HMMR: variants seen among roughly 807,000 people sequenced by gnomAD.
HMMR encodes the protein intracellular hyaluronic acid-binding protein.
Under a neutral mutation model 101.0 loss-of-function variants are expected in HMMR, and 108 were observed. The observed-to-expected ratio is 1.07, with a 90% confidence interval of 0.92 to 1.25. The LOEUF (loss-of-function observed/expected upper bound fraction) is 1.25. Ranked by LOEUF, HMMR falls within the 50% of genes most tolerant of loss-of-function variation. The pLI is 0.00. For synonymous variants in HMMR, 296 were observed against 276.4 expected (o/e 1.07, Z -0.70); for missense variants, 813 against 788.7 (o/e 1.03, Z -0.37).
In HMMR at chr5:163,474,143, C is replaced by G. The variant is rs778818119; in HGVS notation, c.991C>G (p.Gln331Glu). 1.5e-5 allele frequency: 24 copies of G among 1,611,102 alleles called. No homozygotes were observed. The highest frequency in any genetic ancestry group is 1.9e-5 in the Non-Finnish European group (22 of 1,178,300). ...AAAACAGAAGTTTATTCTTGAACAACAGGAACGTGAAAAGCTTCAACAAAA... is the reference window on the plus strand; with the variant it reads ...AAAACAGAAGTTTATTCTTGAACAAGAGGAACGTGAAAAGCTTCAACAAAA... ...NLKQKFILEQ[Q>E]EREKLQQKEL... Residue 331 changes from glutamine (Q) to glutamate (E), a missense_variant, in exon 10 of 18, where the codon CAG becomes GAG. Physicochemically the swap from Gln to Glu is conservative, Grantham distance 29 (BLOSUM62 2). Coordinates refer to ENST00000393915, the MANE Select transcript of HMMR (RefSeq NM_001142556.2).
At chr5:163,490,616 C>G in intron 17 of HMMR, 64 bp downstream of exon 17, 1 of 1,217,262 alleles carries the variant, frequency 8.2e-7, no homozygotes, top group Non-Finnish European at 1.2e-6. Flanking sequence ...TAGCATTTAG[C>G]AAGTCATCCA....
intron 7 of HMMR, among the ~76,000 whole-genome samples, chr5:163,472,407 T>A (rs866056732): frequency 6.6e-6 from 1 of 152,236 alleles, no homozygotes; most frequent in Non-Finnish European, 1.5e-5. Context: ...AAAAGACTGC[T>A]GTGAACATGT....
chr5:163,491,071 T>C (rs755860420), intron 17 of HMMR, 41 bp from the exon 18 acceptor site: 37 of 1,242,260 alleles, frequency 3.0e-5, no homozygotes, highest in Non-Finnish European at 4.0e-5. Context: ...AAATTCGTTT[T>C]AATCTAGATT....
intron 10 of HMMR, 71 bp from the exon 11 acceptor site, chr5:163,475,387 T>G: frequency 1.3e-6 from 1 of 783,470 alleles, no homozygotes; most frequent in Non-Finnish European, 2.1e-6. Flanking sequence ...TATCTGTACT[T>G]TTTTTTGTCT....
At chr5:163,470,704 AG>A (rs1223732925) in intron 5 of HMMR, among the ~76,000 whole-genome samples, 1 of 152,194 alleles carries the variant, frequency 6.6e-6, no homozygotes, top group African/African-American at 2.4e-5. Context: ...GGATAAGAAC[AG>A]TAGACTGGTA....
At chr5:163,475,772 G>A (rs925324320) in intron 11 of HMMR, 100 bp downstream of exon 11, 1 of 501,462 alleles carries the variant, frequency 2.0e-6, no homozygotes, top group Non-Finnish European at 3.5e-6. Flanking sequence ...AGCGTGTTAG[G>A]TTGGAATTAT....
chr5:163,475,663 A>G lies in HMMR; in HGVS notation c.1259A>G (p.Lys420Arg), dbSNP rs200933883. Reference sequence around the variant, plus strand: ...GAAGAATTAAAACTCCTAGAAGAAAAGCTGAAAGGGTTTGTATTAATAGGA... The same window carrying G: ...GAAGAATTAAAACTCCTAGAAGAAAGGCTGAAAGGGTTTGTATTAATAGGA... ...RAEELKLLEE[K>R]LKGKEAELEK... is the part of the protein sequence containing the mutation. Residue 420 changes from lysine to arginine, a missense_variant, in exon 11 of 18, where the codon AAG becomes AGG. Lys to Arg is a conservative substitution (Grantham distance 26). Transcript: ENST00000393915. The G allele has an allele frequency of 5.5e-5, 87 of 1,587,794 alleles. No homozygotes were observed. In the African/African-American group the frequency reaches 1.1e-3, roughly 19 times the overall value.
chr5:163,466,432 A>T (rs1192676534), intron 3 of HMMR, among the ~76,000 whole-genome samples: 1 of 152,224 alleles, frequency 6.6e-6, no homozygotes, highest in Non-Finnish European at 1.5e-5. Flanking sequence ...GCATAGCCAC[A>T]TGTGTCTATT....
intron 3 of HMMR, among the ~76,000 whole-genome samples, chr5:163,466,751 GA>G (rs1392420156): frequency 6.6e-6 from 1 of 152,136 alleles, no homozygotes; most frequent in South Asian, 2.1e-4. Context: ...ATGACATGCT[GA>G]AAAAATATAT....
At chr5:163,466,854 T>G (rs1758722643) in intron 3 of HMMR, among the ~76,000 whole-genome samples, 1 of 152,228 alleles carries the variant, frequency 6.6e-6, no homozygotes, top group Admixed American at 6.5e-5. Flanking sequence ...CTTGCATTAT[T>G]TTTATTGGGC....
rs1758747834 is a variant in HMMR, at chr5:163,467,753, G to A, written c.273+5G>A. ...TTGAAGATATTAGAGAAAGAGGTAA[G>A]CAGTGCTTTAAACTTAGTGAAAAGT... is the stretch of plus-strand genomic sequence containing the variant. On this transcript the variant is annotated splice_donor_5th_base_variant and intron_variant, in intron 4 of 17. Transcript: ENST00000393915. 6.8e-7 allele frequency: 1 copy of A among 1,473,144 alleles called. No individual in the cohort carries two copies. Among genetic ancestry groups the A allele is most frequent in the Non-Finnish European group, 9.5e-7 (1 of 1,055,922 alleles). The allele number at this position is 1,473,144 out of a possible 1,614,324, so 91.3% of individuals were successfully genotyped here. A position where few individuals can be genotyped will look rare whatever the true frequency, so the allele number is the denominator to read the frequency against.
intron 12 of HMMR, among the ~76,000 whole-genome samples, chr5:163,479,780 C>G (rs931581143): frequency 6.6e-6 from 1 of 152,190 alleles, no homozygotes; most frequent in African/African-American, 2.4e-5. Context: ...AAATTCTACT[C>G]CTTTTCAGTC....
Position 163,483,125 on chromosome 5 carries a change from G to A in HMMR, c.1638G>A (p.Lys546=), listed in dbSNP as rs1759333295. ...TAACTGATTTGCAGAACCAACTCAA[G>A]CAACAGGAGGAAGACTTTAGAAAAC... ...QKITDLQNQL[K]QQEEDFRKQL... The change falls in exon 14 of 18, where the codon AAG becomes AAA. Residue 546 remains lysine (K), a synonymous_variant. Transcript: ENST00000393915. 1.9e-6 allele frequency: 3 copies of A among 1,612,598 alleles called. No individual in the cohort carries two copies. The highest frequency in any genetic ancestry group is 2.5e-6 in the Non-Finnish European group (3 of 1,179,554).
In HMMR at chr5:163,478,831, TATG is replaced by T. The variant is rs752190626; in HGVS notation, c.1385+35_1385+37del. 47 of 1,190,350 alleles carry T rather than the reference TATG, an allele frequency of 3.9e-5. No individual in the cohort carries two copies. The Admixed American group carries it at 5.2e-4, about 13-fold the overall frequency. The allele number at this position is 1,190,350 out of a possible 1,614,324, so 73.7% of individuals were successfully genotyped here. On this transcript the variant is annotated intron_variant, in intron 12 of 17. Coordinates refer to ENST00000393915, the MANE Select transcript of HMMR (RefSeq NM_001142556.2). Reference sequence around the variant, plus strand: ...TTTCTTGGGAGCCTGCACTCTTAAATATGATGTGTGCAGAAAGGGGTGTTTACC... The same window carrying T: ...TTTCTTGGGAGCCTGCACTCTTAAATATGTGTGCAGAAAGGGGTGTTTACC...
Position 163,483,290 on chromosome 5 carries a change from A to G in HMMR, c.1708A>G (p.Thr570Ala). The change falls in exon 15 of 18, where the codon ACA (threonine) becomes GCA (alanine). Residue 570 changes from threonine (T) to alanine (A), a missense_variant. Transcript: ENST00000393915. ...EGRKAEKENT[T>A]AELTEEINKW... Reference sequence around the variant, plus strand: ...CAGAAAAGCTGAAAAAGAAAATACAACAGCAGAATTAACTGAAGAAATTAA... The same window carrying G: ...CAGAAAAGCTGAAAAAGAAAATACAGCAGCAGAATTAACTGAAGAAATTAA... The G allele has an allele frequency of 6.2e-7, 1 of 1,609,442 alleles. No homozygotes were observed. The highest frequency in any genetic ancestry group is 8.5e-7 in the Non-Finnish European group (1 of 1,176,288).
chr5:163,478,802 T>C lies in HMMR; in HGVS notation c.1385+2T>C, dbSNP rs761840157. On this transcript the variant is annotated splice_donor_variant, in intron 12 of 17. Coordinates refer to ENST00000393915, the MANE Select transcript of HMMR (RefSeq NM_001142556.2). LOFTEE classifies it high-confidence loss of function. ...AGATGTTACTGCTCAATTTGAAAGGTATTTTTCTTGGGAGCCTGCACTCTT... is the reference window on the plus strand; with the variant it reads ...AGATGTTACTGCTCAATTTGAAAGGCATTTTTCTTGGGAGCCTGCACTCTT... 1.3e-6 allele frequency: 2 copies of C among 1,535,206 alleles called. No homozygotes were observed. Among genetic ancestry groups the C allele is most frequent in the Non-Finnish European group, 1.8e-6 (2 of 1,108,070 alleles).
At chr5:163,485,667 G>C (rs144884088) in intron 16 of HMMR, among the ~76,000 whole-genome samples, 1 of 152,166 alleles carries the variant, frequency 6.6e-6, no homozygotes, top group African/African-American at 2.4e-5. Context: ...CTTTTATGAC[G>C]TCCAGTGTGT....
At chr5:163,483,215 C>T (rs780355595) in intron 14 of HMMR, 43 bp downstream of exon 14, 112 of 1,595,470 alleles carry the variant, frequency 7.0e-5, no homozygotes, top group Non-Finnish European at 9.4e-5. Context: ...AACTCAGTTA[C>T]GATGTGATTT....
intron 16 of HMMR, among the ~76,000 whole-genome samples, chr5:163,484,757 T>C (rs911829749): frequency 1.3e-5 from 2 of 152,098 alleles, no homozygotes. Flanking sequence ...CCTAACACTC[T>C]CCTATCTCCT....
Sources: gnomAD v4.1 joint callset for allele counts (sites outside exome capture counted in the v4.1 genomes callset) on GRCh38, gnomAD v4.1.1 for gene constraint, MANE v1.5 for transcripts, NCBI Gene and HGNC (gene_info 2026-07-23, HGNC 2026-07-21) for gene names.